The following GLIPR1L2 variants were observed in gnomAD, a reference collection of about 807,000 sequenced individuals.
The protein encoded by GLIPR1L2 is GLIPR1 like 2.
A neutral mutation model predicts 28.4 loss-of-function variants in GLIPR1L2; 21 were observed. The observed-to-expected ratio is 0.74, with a 90% CI of 0.52 to 1.06. GLIPR1L2 has a LOEUF of 1.06. GLIPR1L2 is among the 50% of genes least tolerant of loss of function. The pLI, the probability that GLIPR1L2 is intolerant of heterozygous loss-of-function variation, is 0.00. For synonymous variants in GLIPR1L2, 145 were observed against 139.3 expected (o/e 1.04, Z -0.29); for missense variants, 476 against 416.9 (o/e 1.14, Z -1.23).
chr12:75,398,439 T>G (rs1301065100), intron 1 of GLIPR1L2, among the ~76,000 whole-genome samples: 1 of 152,004 alleles, frequency 6.6e-6, no homozygotes, highest in African/African-American at 2.4e-5. Flanking sequence ...GGATTTAAAC[T>G]AAACATTTTA....
At position 75,420,115 on chromosome 12, in the gene GLIPR1L2, C is replaced by T. The variant is rs2045962045; in HGVS notation, c.585-2789C>T. ...ACGAGTTGTAAGTAGTCTAGTTGTTCTGGCTGTATGAGATGGAAAAATCGA... is the reference window on the plus strand; with the variant it reads ...ACGAGTTGTAAGTAGTCTAGTTGTTTTGGCTGTATGAGATGGAAAAATCGA... On this transcript the variant is annotated intron_variant, in intron 3 of 5. Transcript: ENST00000550916. Among the ~76,000 whole-genome samples the T allele has an allele frequency of 2.0e-5, 3 of 152,184 alleles. No individual in the cohort carries two copies. In the South Asian group the frequency reaches 6.2e-4, roughly 32 times the overall value.
intron 3 of GLIPR1L2, among the ~76,000 whole-genome samples, chr12:75,421,113 C>T (rs949015582): frequency 1.3e-5 from 2 of 152,096 alleles, no homozygotes; most frequent in Non-Finnish European, 2.9e-5. Flanking sequence ...GGAGACAATA[C>T]ATCTGCTTTT....
chr12:75,431,159 T>C lies in GLIPR1L2; in HGVS notation c.1033T>C (p.Ter345GlnextTer2), dbSNP rs1194105018. The change falls in exon 6 of 6, where the codon TAA becomes CAA. Residue 345 changes from the stop codon to glutamine, a stop_lost. Coordinates refer to ENST00000550916, the MANE Select transcript of GLIPR1L2 (RefSeq NM_001270396.2). ...QKEKMEEEEK[*>Q] ...AGAAAAGATGGAGGAAGAGGAAAAA[T>C]AAGAGTAGAAAGAGGAGGAAAAAGA... is the stretch of plus-strand genomic sequence containing the variant. 1.5e-6 allele frequency: 1 copy of C among 670,374 alleles called. No individual in the cohort carries two copies. Among genetic ancestry groups the C allele is most frequent in the Non-Finnish European group, 2.5e-6 (1 of 405,564 alleles). 41.5% of individuals were successfully genotyped at this position (670,374 alleles called of 1,614,324 possible). A position where few individuals can be genotyped will look rare whatever the true frequency, so the allele number is the denominator to read the frequency against.
At chr12:75,403,431 A>T (rs776082109) in intron 1 of GLIPR1L2, among the ~76,000 whole-genome samples, 1 of 152,044 alleles carries the variant, frequency 6.6e-6, no homozygotes, top group African/African-American at 2.4e-5. Context: ...TTGGCTTCTT[A>T]TAAGGTCTCC....
intron 4 of GLIPR1L2, among the ~76,000 whole-genome samples, chr12:75,425,738 C>T (rs932889649): frequency 1.5e-4 from 23 of 152,060 alleles, no homozygotes; most frequent in African/African-American, 4.8e-4. Flanking sequence ...GGCACCTATG[C>T]GTGCTAGGGG....
Position 75,413,837 on chromosome 12 carries a change from A to T in GLIPR1L2, c.584+136A>T, listed in dbSNP as rs1009007518. The T allele has an allele frequency of 1.9e-5, 9 of 463,242 alleles. No individual in the cohort carries two copies. In the Admixed American group the frequency reaches 3.7e-4, roughly 19 times the overall value. 28.7% of individuals were successfully genotyped at this position (463,242 alleles called of 1,614,324 possible). ...ACTTTACATTGAAATATTTTCAATC[A>T]ATTTTATAATGAAATAAGTCTTAAA... On this transcript the variant is annotated intron_variant, in intron 3 of 5. Coordinates refer to ENST00000550916, the MANE Select transcript of GLIPR1L2 (RefSeq NM_001270396.2).
chr12:75,430,150 A>G (rs1403231985), intron 4 of GLIPR1L2, among the ~76,000 whole-genome samples: 1 of 152,062 alleles, frequency 6.6e-6, no homozygotes, highest in African/African-American at 2.4e-5. Context: ...ATGGACTGAT[A>G]CATCTCTCAG....
chr12:75,406,972 A>G (rs906204337), intron 1 of GLIPR1L2, among the ~76,000 whole-genome samples: 13 of 151,814 alleles, frequency 8.6e-5, no homozygotes, highest in African/African-American at 2.2e-4. Context: ...AGAGTCTCCC[A>G]CACTCAATAT....
chr12:75,423,139 A>G (rs2045996365), intron 4 of GLIPR1L2, 150 bp downstream of exon 4: 10 of 1,520,602 alleles, frequency 6.6e-6, no homozygotes, highest in South Asian at 2.7e-5. Context: ...TTGACACAGT[A>G]TCATCTTTAG....
intron 3 of GLIPR1L2, among the ~76,000 whole-genome samples, chr12:75,422,109 G>C (rs2045982394): frequency 6.6e-6 from 1 of 151,430 alleles, no homozygotes; most frequent in Admixed American, 6.6e-5. Context: ...TCCCTCCTCA[G>C]TATCCCGAGT....
In GLIPR1L2 at chr12:75,413,663, T is replaced by C; in HGVS notation, c.546T>C (p.Ile182=). ...CTCCATGTTCAAAAATTGGACATAT[T>C]ATACATGCAGCAATTTTCATATGCA... ...AVTPCSKIGH[I]IHAAIFICNY... Residue 182 remains isoleucine, a synonymous_variant, in exon 3 of 6, where the codon ATT becomes ATC. Transcript: ENST00000550916. The C allele has an allele frequency of 6.4e-7, 1 of 1,557,534 alleles. No individual in the cohort carries two copies. The highest frequency in any genetic ancestry group is 8.7e-7 in the Non-Finnish European group (1 of 1,154,416).
chr12:75,420,241 C>T (rs1195042161), intron 3 of GLIPR1L2, among the ~76,000 whole-genome samples: 1 of 152,146 alleles, frequency 6.6e-6, no homozygotes, highest in African/African-American at 2.4e-5. Context: ...ATTGTAATTG[C>T]TAGGTTGTCA....
intron 3 of GLIPR1L2, 100 bp downstream of exon 3, chr12:75,413,801 A>C: frequency 1.3e-5 from 7 of 526,870 alleles, no homozygotes; most frequent in Non-Finnish European, 3.3e-6. Context: ...TTTGAACTAT[A>C]AAATAAATAT....
intron 1 of GLIPR1L2, among the ~76,000 whole-genome samples, chr12:75,400,842 T>A (rs2045732965): frequency 6.6e-6 from 1 of 152,144 alleles, no homozygotes; most frequent in Non-Finnish European, 1.5e-5. Context: ...AGGGCTAGCA[T>A]TCCTGAAGTC....
intron 4 of GLIPR1L2, among the ~76,000 whole-genome samples, chr12:75,429,562 G>A (rs2046069374): frequency 1.3e-5 from 2 of 152,164 alleles, no homozygotes; most frequent in South Asian, 4.1e-4. Context: ...GGAAAGGCCT[G>A]ATTGTGTTTT....
intron 1 of GLIPR1L2, among the ~76,000 whole-genome samples, chr12:75,403,476 G>A (rs1006289504): frequency 1.3e-5 from 2 of 152,050 alleles, no homozygotes; most frequent in Non-Finnish European, 2.9e-5. Context: ...TCTCTCCTGG[G>A]AGCTTTTCAG....
intron 3 of GLIPR1L2, among the ~76,000 whole-genome samples, chr12:75,414,052 G>A (rs2045900057): frequency 6.6e-6 from 1 of 151,930 alleles, no homozygotes. Context: ...AGTAAGAATT[G>A]TTTCATGAAT....
chr12:75,411,433 T>C (rs1287373076), intron 2 of GLIPR1L2, among the ~76,000 whole-genome samples: 1 of 151,942 alleles, frequency 6.6e-6, no homozygotes. Flanking sequence ...AATTTGTTCA[T>C]GTTGAACTCA....
At chr12:75,400,786 A>T (rs904499803) in intron 1 of GLIPR1L2, among the ~76,000 whole-genome samples, 4 of 152,330 alleles carry the variant, frequency 2.6e-5, no homozygotes, top group South Asian at 4.1e-4. Context: ...TGTAACGGCA[A>T]CAATTTAAAA....
Sources: gnomAD v4.1 joint callset for allele counts (sites outside exome capture counted in the v4.1 genomes callset) on GRCh38, gnomAD v4.1.1 for gene constraint, MANE v1.5 for transcripts, NCBI Gene and HGNC (gene_info 2026-07-23, HGNC 2026-07-21) for gene names.